MFSD6: variants seen among roughly 807,000 people sequenced by gnomAD.
MFSD6 encodes major facilitator superfamily domain containing 6.
MFSD6 carries 26 observed loss-of-function variants against 56.3 expected under a neutral mutation model. The ratio of observed to expected loss-of-function variants is 0.46; its 90% CI spans 0.34 to 0.64. The LOEUF (loss-of-function observed/expected upper bound fraction) is 0.64. Ranked by LOEUF, MFSD6 falls within the 30% of genes least tolerant of loss-of-function variation. MFSD6 has a pLI of 0.01. For synonymous variants in MFSD6, 331 were observed against 366.9 expected, an observed-to-expected ratio of 0.90 and a Z score of 1.12; for missense variants, 750 against 986.2, an observed-to-expected ratio of 0.76 and a Z score of 3.21.
intron 2 of MFSD6, among the ~76,000 whole-genome samples, chr2:190,422,029 G>A (rs1685636485): frequency 1.3e-5 from 2 of 152,130 alleles, no homozygotes; most frequent in South Asian, 4.2e-4. Flanking sequence ...ATTTTGGTTA[G>A]TTCAGTATTC....
In MFSD6 at chr2:190,415,837, A is replaced by G. The variant is rs1425427871; in HGVS notation, c.-54+424A>G. On this transcript the variant is annotated intron_variant, in intron 2 of 7. Coordinates refer to ENST00000392328, the MANE Select transcript of MFSD6 (RefSeq NM_017694.4). The surrounding 1 kb of genome is among the most constrained non-coding windows in gnomAD (Gnocchi z 4.5). The stretch of plus-strand genomic sequence containing the variant: ...CCTTGAGATCTATATTCTGGTCTCA[A>G]TTGTAAACTCATAAAAGGTCTGAGA... Among the ~76,000 whole-genome samples, 4 of 152,208 alleles carry G rather than the reference A, an allele frequency of 2.6e-5. No individual in the cohort carries two copies. Among genetic ancestry groups the G allele is most frequent in the Admixed American group, 2.6e-4 (4 of 15,290 alleles).
Position 190,447,316 on chromosome 2 carries a change from G to A in MFSD6, c.1532+9755G>A, listed in dbSNP as rs531126928. On this transcript the variant is annotated intron_variant, in intron 3 of 7. Transcript: ENST00000392328. This position sits in a 1 kb window ranked among gnomAD's most constrained non-coding sequence, Gnocchi z 4.5. The stretch of plus-strand genomic sequence containing the variant: ...AATGTTCTGTTAGACATGAGTGATT[G>A]AGCGAAACTGTGAGGTTAGGTCAGT... 6.6e-6 allele frequency among the ~76,000 whole-genome samples: 1 copy of A among 152,286 alleles called. No individual in the cohort carries two copies. Among genetic ancestry groups the A allele is most frequent in the Non-Finnish European group, 1.5e-5 (1 of 68,018 alleles).
At chr2:190,493,605 T>C (rs577541714) in intron 6 of MFSD6, among the ~76,000 whole-genome samples, 18 of 152,296 alleles carry the variant, frequency 1.2e-4, no homozygotes, top group African/African-American at 3.1e-4. Context: ...TTCTCCAAGA[T>C]AGACTATATG....
intron 3 of MFSD6, among the ~76,000 whole-genome samples, chr2:190,440,007 G>A (rs1462370204): frequency 6.6e-6 from 1 of 152,196 alleles, no homozygotes; most frequent in Non-Finnish European, 1.5e-5. Context: ...GAAGAGAAAT[G>A]ATCTCTGAAT....
intron 3 of MFSD6, among the ~76,000 whole-genome samples, chr2:190,446,664 A>C (rs1230556239): frequency 1.3e-5 from 2 of 152,180 alleles, no homozygotes; most frequent in African/African-American, 4.8e-5. Flanking sequence ...ACGAACTAGA[A>C]ATTCCAAGTT....
In MFSD6 at chr2:190,411,379, C is replaced by T. The variant is rs1690559497; in HGVS notation, c.-176+2876C>T. 9.5e-6 allele frequency: 6 copies of T among 630,644 alleles called. No homozygotes were observed. In the South Asian group the frequency reaches 3.5e-4, roughly 37 times the overall value. 39.1% of individuals were successfully genotyped at this position (630,644 alleles called of 1,614,324 possible). On this transcript the variant is annotated intron_variant, in intron 1 of 7. Coordinates refer to ENST00000392328, the MANE Select transcript of MFSD6 (RefSeq NM_017694.4). ...TTCATCATGTTGGCCAGGATGGTCT[C>T]CATCTCCTGACCTCATGATTCCCCT...
Position 190,437,613 on chromosome 2 carries a change from T to C in MFSD6, c.1532+52T>C, listed in dbSNP as rs1434018479. Reference sequence around the variant, plus strand: ...CCTCAGCAATTGAACTTTATCTTTTTATGGTTTATAGCTCCTTCTACTACA... The same window carrying C: ...CCTCAGCAATTGAACTTTATCTTTTCATGGTTTATAGCTCCTTCTACTACA... On this transcript the variant is annotated intron_variant, in intron 3 of 7. Transcript: ENST00000392328. This position sits in a 1 kb window ranked among gnomAD's most constrained non-coding sequence, Gnocchi z 5.9. 58 of 1,557,586 alleles carry C rather than the reference T, an allele frequency of 3.7e-5. No homozygotes were observed. The highest frequency in any genetic ancestry group is 4.9e-5 in the Non-Finnish European group (56 of 1,148,762).
intron 2 of MFSD6, among the ~76,000 whole-genome samples, chr2:190,432,087 T>C (rs1686023693): frequency 1.3e-5 from 2 of 152,250 alleles, no homozygotes; most frequent in South Asian, 4.1e-4. Flanking sequence ...CCTTGGTAAT[T>C]ACTCATATTT....
chr2:190,411,083 A>G, intron 1 of MFSD6: 1 of 983,384 alleles, frequency 1.0e-6, no homozygotes, highest in Non-Finnish European at 1.2e-6. Flanking sequence ...AACTAGCTTC[A>G]GAAGAAATTT....
Position 190,500,183 on chromosome 2 carries a change from G to C in MFSD6, c.2341G>C (p.Glu781Gln), listed in dbSNP as rs770158252. 6 of 1,614,180 alleles carry C rather than the reference G, an allele frequency of 3.7e-6. No homozygotes were observed. In the South Asian group the frequency reaches 4.4e-5, roughly 12 times the overall value. Residue 781 changes from glutamate (E) to glutamine (Q), a missense_variant, in exon 8 of 8, where the codon GAG (glutamate) becomes CAG (glutamine). Transcript: ENST00000392328. The surrounding 1 kb of genome is among the most constrained non-coding windows in gnomAD (Gnocchi z 5.3). ...GGACCCGTGCACAGAGGAGAGTGAA[G>C]AGCAGCAGGCTCAGCTGGCCGCGGG... is the stretch of plus-strand genomic sequence containing the variant. ...SVDPCTEESE[E>Q]QQAQLAAGGH
chr2:190,472,079 AC>A (rs1687975217), intron 4 of MFSD6, among the ~76,000 whole-genome samples: 1 of 152,094 alleles, frequency 6.6e-6, no homozygotes, highest in Non-Finnish European at 1.5e-5. Flanking sequence ...CCACACCAAA[AC>A]CCCATCTGTA....
At position 190,488,858 on chromosome 2, in the gene MFSD6, A is replaced by G. The variant is rs984673242; in HGVS notation, c.1792+40A>G. On this transcript the variant is annotated intron_variant, in intron 5 of 7. Transcript: ENST00000392328. The surrounding 1 kb of genome is among the most constrained non-coding windows in gnomAD (Gnocchi z 6.4). ...CTCCTTTTTTTTCTTTTCTATTATT[A>G]AAACATGATTTTTTCCAGCAATACC... The G allele has an allele frequency of 6.7e-7, 1 of 1,491,914 alleles. No homozygotes were observed. Among genetic ancestry groups the G allele is most frequent in the African/African-American group, 1.4e-5 (1 of 70,200 alleles). 92.4% of individuals were successfully genotyped at this position (1,491,914 alleles called of 1,614,324 possible). A position where few individuals can be genotyped will look rare whatever the true frequency, so the allele number is the denominator to read the frequency against.
At position 190,485,685 on chromosome 2, in the gene MFSD6, A is replaced by C. The variant is rs1688970844; in HGVS notation, c.1631-2972A>C. 1.3e-5 allele frequency among the ~76,000 whole-genome samples: 2 copies of C among 152,178 alleles called. No homozygotes were observed. On this transcript the variant is annotated intron_variant, in intron 4 of 7. Coordinates refer to ENST00000392328, the MANE Select transcript of MFSD6 (RefSeq NM_017694.4). This position sits in a 1 kb window ranked among gnomAD's most constrained non-coding sequence, Gnocchi z 5.1. ...ATCCAGGCATTATTCAATTCTGAGAAAGCTGGCATTATCTAGGGTATTGCA... is the reference window on the plus strand; with the variant it reads ...ATCCAGGCATTATTCAATTCTGAGACAGCTGGCATTATCTAGGGTATTGCA...
Position 190,456,877 on chromosome 2 carries a change from T to C in MFSD6, c.1533-12881T>C. On this transcript the variant is annotated intron_variant, in intron 3 of 7. Transcript: ENST00000392328. The surrounding 1 kb of genome is among the most constrained non-coding windows in gnomAD (Gnocchi z 5.4). ...TTTGCTTCTGGGTAAGCTTTTCTCC[T>C]TTGATCTAGGATATTGGACAACTGT... Among the ~76,000 whole-genome samples, 1 of 152,216 alleles carries C rather than the reference T, an allele frequency of 6.6e-6. No homozygotes were observed. Among genetic ancestry groups the C allele is most frequent in the East Asian group, 1.9e-4 (1 of 5,200 alleles).
rs1690746146 is a variant in MFSD6 at position 190,415,693 on chromosome 2, A to G, written c.-54+280A>G. Among the ~76,000 whole-genome samples the G allele has an allele frequency of 6.6e-6, 1 of 152,226 alleles. No homozygotes were observed. The highest frequency in any genetic ancestry group is 1.5e-5 in the Non-Finnish European group (1 of 68,034). On this transcript the variant is annotated intron_variant, in intron 2 of 7. Transcript: ENST00000392328. This position sits in a 1 kb window ranked among gnomAD's most constrained non-coding sequence, Gnocchi z 4.5. ...TAACAGCAAAATAAAACAATTTTAG[A>G]TTACATATATGGGAAGGTACTAAGG...
rs906980731 is a variant in MFSD6, at chr2:190,461,097, G to C, written c.1533-8661G>C. Among the ~76,000 whole-genome samples, 1 of 152,154 alleles carries C rather than the reference G, an allele frequency of 6.6e-6. No homozygotes were observed. The highest frequency in any genetic ancestry group is 2.4e-5 in the African/African-American group (1 of 41,440). On this transcript the variant is annotated intron_variant, in intron 3 of 7. Transcript: ENST00000392328. This position sits in a 1 kb window ranked among gnomAD's most constrained non-coding sequence, Gnocchi z 5.5. ...TTTACCCACACCCAATCTCCCAAGA[G>C]TTTCAAAAGAAAGGAATAATTTAAA...
chr2:190,464,787 G>A, intron 3 of MFSD6: 4 of 389,602 alleles, frequency 1.0e-5, no homozygotes, highest in Non-Finnish European at 1.1e-5. Flanking sequence ...TAAGTCCCTT[G>A]AAGACCAAGT....
At chr2:190,421,919 T>A (rs1185247595) in intron 2 of MFSD6, among the ~76,000 whole-genome samples, 11 of 152,104 alleles carry the variant, frequency 7.2e-5, no homozygotes. Flanking sequence ...GTCTTCCCAC[T>A]ATAGAAGAAA....
At position 190,412,535 on chromosome 2, in the gene MFSD6, T is replaced by G. The variant is rs1422288801; in HGVS notation, c.-175-2757T>G. 2 of 985,354 alleles carry G rather than the reference T, an allele frequency of 2.0e-6. No homozygotes were observed. The highest frequency in any genetic ancestry group is 2.4e-6 in the Non-Finnish European group (2 of 829,942). 61.0% of individuals were successfully genotyped at this position (985,354 alleles called of 1,614,324 possible). A position where few individuals can be genotyped will look rare whatever the true frequency, so the allele number is the denominator to read the frequency against. ...AAACTCAACTAACATGGCATTTCCT[T>G]GGGCATAGCATTTTTGATTCCTGGG... On this transcript the variant is annotated intron_variant, in intron 1 of 7. Transcript: ENST00000392328. The surrounding 1 kb of genome is among the most constrained non-coding windows in gnomAD (Gnocchi z 4.1).
Sources: gnomAD v4.1 joint callset for allele counts (sites outside exome capture counted in the v4.1 genomes callset) on GRCh38, gnomAD v4.1.1 for gene constraint, Gnocchi (gnomAD v3.1) non-coding constraint, MANE v1.5 for transcripts, NCBI Gene and HGNC (gene_info 2026-07-23, HGNC 2026-07-21) for gene names.